Variants in ARHGAP15 observed in about 807,000 individuals in gnomAD.
The protein encoded by ARHGAP15 is Rho GTPase activating protein 15.
A neutral mutation model predicts 63.7 loss-of-function variants in ARHGAP15; 51 were observed. That is an observed-to-expected ratio of 0.80 (90% confidence interval 0.64 to 1.01). The LOEUF is 1.01. Among genes scored for constraint, ARHGAP15 ranks in the 50% least tolerant of loss-of-function variants. The probability of loss-of-function intolerance (pLI) is 0.00; values close to 1 mark genes in which losing one functional copy is unlikely to be tolerated. For missense variants in ARHGAP15, 560 were observed against 564.6 expected (o/e 0.99, Z 0.08); for synonymous variants, 191 against 193.8 (o/e 0.99, Z 0.12).
At chr2:143,414,357 C>A (rs1688588697) in intron 6 of ARHGAP15, among the ~76,000 whole-genome samples, 1 of 151,800 alleles carries the variant, frequency 6.6e-6, no homozygotes, top group Non-Finnish European at 1.5e-5. Context: ...AGAAATTATA[C>A]TGGAGATAAG....
intron 12 of ARHGAP15, among the ~76,000 whole-genome samples, chr2:143,640,483 T>A (rs13422906): frequency 0.081 from 12,291 of 152,192 alleles, 701 homozygotes; most frequent in Non-Finnish European, 0.11. Context: ...ATTTTCTACA[T>A]GTCGAAGAAG....
chr2:143,133,212 A>G lies in ARHGAP15; in HGVS notation c.-15+3746A>G, dbSNP rs72992652. 4.3e-3 allele frequency among the ~76,000 whole-genome samples: 659 copies of G among 152,326 alleles called. 4 individuals are homozygous for G. Among genetic ancestry groups the G allele is most frequent in the African/African-American group, 0.015 (632 of 41,572 alleles). On this transcript the variant is annotated intron_variant, in intron 1 of 13. Transcript: ENST00000295095. Reference sequence around the variant, plus strand: ...AAATCTAGCACTGGGAAGATGAGAAACATTGCAAGGGACAGGAAGGAAATA... The same window carrying G: ...AAATCTAGCACTGGGAAGATGAGAAGCATTGCAAGGGACAGGAAGGAAATA...
chr2:143,704,549 G>A (rs1684240390), intron 13 of ARHGAP15, among the ~76,000 whole-genome samples: 1 of 152,194 alleles, frequency 6.6e-6, no homozygotes, highest in African/African-American at 2.4e-5. Context: ...GGAACAAGTT[G>A]AGTAGGAAAA....
intron 6 of ARHGAP15, among the ~76,000 whole-genome samples, chr2:143,363,439 G>A (rs949917297): frequency 7.9e-5 from 12 of 152,084 alleles, no homozygotes; most frequent in South Asian, 2.1e-4. Context: ...AGTTTACAGT[G>A]AGCCGAGATT....
intron 12 of ARHGAP15, among the ~76,000 whole-genome samples, chr2:143,646,800 A>G (rs1680901556): frequency 6.6e-6 from 1 of 152,082 alleles, no homozygotes. Context: ...CATGCAGTAG[A>G]TGCTCTGACC....
At chr2:143,195,389 G>A (rs1691852319) in intron 2 of ARHGAP15, among the ~76,000 whole-genome samples, 1 of 152,026 alleles carries the variant, frequency 6.6e-6, no homozygotes, top group African/African-American at 2.4e-5. Flanking sequence ...GCTCCCACTA[G>A]GATTATGAAA....
intron 6 of ARHGAP15, among the ~76,000 whole-genome samples, chr2:143,287,973 G>C (rs1159613361): frequency 6.6e-6 from 1 of 152,188 alleles, no homozygotes. Flanking sequence ...TTAAGAGGTT[G>C]TATCGGAGTC....
chr2:143,278,868 C>CTTT lies in ARHGAP15; in HGVS notation c.474+28281_474+28283dup, dbSNP rs965265275. On this transcript the variant is annotated intron_variant, in intron 6 of 13. Coordinates refer to ENST00000295095, the MANE Select transcript of ARHGAP15 (RefSeq NM_018460.4). ...GCTACGCTGAAGAGTTTCTTTCTTT[C>CTTT]TTTTTTTTTTTTTTTGGCCAGGCTA... 5.8e-3 allele frequency among the ~76,000 whole-genome samples: 783 copies of CTTT among 135,292 alleles called. 19 individuals are homozygous for CTTT. Among genetic ancestry groups the CTTT allele is most frequent in the African/African-American group, 0.014 (503 of 37,054 alleles). The allele number at this position is 135,292 out of a possible 152,430, so 88.8% of individuals were successfully genotyped here. A position where few individuals can be genotyped will look rare whatever the true frequency, so the allele number is the denominator to read the frequency against.
intron 2 of ARHGAP15, among the ~76,000 whole-genome samples, chr2:143,168,729 C>T (rs1302395423): frequency 1.3e-5 from 2 of 151,814 alleles, no homozygotes; most frequent in Non-Finnish European, 2.9e-5. Context: ...CACACAAGGC[C>T]CTTACAATAT....
At chr2:143,539,049 A>T (rs1319373666) in intron 10 of ARHGAP15, among the ~76,000 whole-genome samples, 1 of 152,146 alleles carries the variant, frequency 6.6e-6, no homozygotes, top group Non-Finnish European at 1.5e-5. Context: ...TATTGCCTCA[A>T]TTTCAGAGCC....
chr2:143,637,509 C>T (rs113831470), intron 12 of ARHGAP15, among the ~76,000 whole-genome samples: 129 of 152,098 alleles, frequency 8.5e-4, no homozygotes, highest in African/African-American at 2.9e-3. Context: ...AGTCTCATAA[C>T]AACAGGAGCT....
chr2:143,299,414 T>G (rs933812324), intron 6 of ARHGAP15, among the ~76,000 whole-genome samples: 1 of 151,980 alleles, frequency 6.6e-6, no homozygotes, highest in African/African-American at 2.4e-5. Context: ...TCTCATACCT[T>G]GTCTGTATCT....
intron 6 of ARHGAP15, among the ~76,000 whole-genome samples, chr2:143,318,935 C>A (rs1683861884): frequency 5.9e-5 from 9 of 152,138 alleles, no homozygotes; most frequent in Admixed American, 5.9e-4. Context: ...TGATCAGGTT[C>A]CGAAAACTCC....
intron 11 of ARHGAP15, among the ~76,000 whole-genome samples, chr2:143,609,777 T>C (rs1361358885): frequency 6.6e-6 from 1 of 152,086 alleles, no homozygotes; most frequent in Non-Finnish European, 1.5e-5. Flanking sequence ...TCCAACTAGA[T>C]TGGGCCAACG....
chr2:143,712,891 GAACT>G (rs1479474490), intron 13 of ARHGAP15, among the ~76,000 whole-genome samples: 2 of 151,594 alleles, frequency 1.3e-5, no homozygotes, highest in East Asian at 3.9e-4. Context: ...AAAATATAAA[GAACT>G]AACCTGGCTT....
intron 11 of ARHGAP15, among the ~76,000 whole-genome samples, chr2:143,570,935 A>G (rs528419805): frequency 7.2e-5 from 11 of 152,314 alleles, no homozygotes; most frequent in African/African-American, 2.6e-4. Context: ...GGCCAGTACC[A>G]GTCCATGGCT....
intron 12 of ARHGAP15, among the ~76,000 whole-genome samples, chr2:143,661,723 T>C (rs574788874): frequency 1.9e-4 from 29 of 152,244 alleles, no homozygotes; most frequent in African/African-American, 6.0e-4. Context: ...GCGCACACCG[T>C]GCGTGAGCCG....
At chr2:143,710,881 GTTAA>G (rs1483384402) in intron 13 of ARHGAP15, among the ~76,000 whole-genome samples, 3 of 152,288 alleles carry the variant, frequency 2.0e-5, no homozygotes, top group South Asian at 2.1e-4. Context: ...TTGTTCAGGT[GTTAA>G]TTAAGTCAAA....
chr2:143,410,053 C>T (rs1421170125), intron 6 of ARHGAP15, among the ~76,000 whole-genome samples: 3 of 151,980 alleles, frequency 2.0e-5, no homozygotes, highest in Admixed American at 1.3e-4. Flanking sequence ...AGATGTTGAT[C>T]TTTTAAATTG....
Sources: gnomAD v4.1 joint callset for allele counts (sites outside exome capture counted in the v4.1 genomes callset) on GRCh38, gnomAD v4.1.1 for gene constraint, MANE v1.5 for transcripts, NCBI Gene and HGNC (gene_info 2026-07-23, HGNC 2026-07-21) for gene names.